EYS: variants seen among roughly 807,000 people sequenced by gnomAD.
EYS encodes EGF-like photoreceptor maintenance factor.
Under a neutral mutation model 282.1 loss-of-function variants are expected in EYS, and 250 were observed. That is an observed-to-expected ratio of 0.89 (90% confidence interval 0.80 to 0.98). EYS has a LOEUF of 0.98. Among genes scored for constraint, EYS ranks in the 50% least tolerant of loss-of-function variants. The pLI is 0.00. For missense variants in EYS, 4,016 were observed against 3,709.0 expected (o/e 1.08, Z -2.15); for synonymous variants, 1,355 against 1,282.9 (o/e 1.06, Z -1.20).
chr6:65,444,227 A>C (rs17768333), intron 5 of EYS, among the ~76,000 whole-genome samples: 28,124 of 151,898 alleles, frequency 0.19, 3,249 homozygotes, highest in Middle Eastern at 0.3. Context: ...TACTAATTTC[A>C]GGCACTATTT....
chr6:65,001,293 TG>T (rs1771460747), intron 13 of EYS, among the ~76,000 whole-genome samples: 1 of 146,928 alleles, frequency 6.8e-6, no homozygotes, highest in Non-Finnish European at 1.5e-5. Flanking sequence ...GTGGTGGAGG[TG>T]GCTCTCAGCA....
chr6:65,249,547 CTT>C (rs34691820), intron 12 of EYS, among the ~76,000 whole-genome samples: 31 of 143,526 alleles, frequency 2.2e-4, no homozygotes, highest in African/African-American at 4.8e-4. Context: ...CATAAATATC[CTT>C]TTTTTTTTTT....
rs148214961 is a variant in EYS at position 64,771,837 on chromosome 6, CA to C, written c.3443+41540del. 2.8e-3 allele frequency among the ~76,000 whole-genome samples: 430 copies of C among 151,868 alleles called. 5 individuals carry two copies. Among genetic ancestry groups the C allele is most frequent in the African/African-American group, 9.8e-3 (405 of 41,530 alleles). On this transcript the variant is annotated intron_variant, in intron 22 of 42. Coordinates refer to ENST00000503581, the MANE Select transcript of EYS (RefSeq NM_001142800.2). ...AGGCTCCCTTTTTGTCTGCTGTATG[CA>C]ATGTTCTAAATGTAAGAACTAGTCA...
intron 13 of EYS, among the ~76,000 whole-genome samples, chr6:65,029,596 G>A (rs1303439963): frequency 2.6e-5 from 4 of 151,950 alleles, no homozygotes; most frequent in African/African-American, 9.7e-5. Context: ...CCACCCCCAA[G>A]ACAGCAAGAC....
intron 5 of EYS, among the ~76,000 whole-genome samples, chr6:65,422,523 C>T (rs1198574416): frequency 6.6e-6 from 1 of 151,776 alleles, no homozygotes; most frequent in Non-Finnish European, 1.5e-5. Flanking sequence ...GAAAAATACA[C>T]TTCACATAGA....
At chr6:63,847,634 C>T (rs577993533) in intron 36 of EYS, among the ~76,000 whole-genome samples, 1 of 152,230 alleles carries the variant, frequency 6.6e-6, no homozygotes, top group Non-Finnish European at 1.5e-5. Context: ...TACTCTGTTG[C>T]CAGACTAATG....
intron 12 of EYS, among the ~76,000 whole-genome samples, chr6:65,118,374 T>A (rs568955558): frequency 6.6e-6 from 1 of 152,346 alleles, no homozygotes; most frequent in African/African-American, 2.4e-5. Context: ...TTTAAAATAT[T>A]CTGGTGTATT....
At chr6:64,784,765 T>C (rs967782335) in intron 22 of EYS, among the ~76,000 whole-genome samples, 1 of 151,916 alleles carries the variant, frequency 6.6e-6, no homozygotes, top group South Asian at 2.1e-4. Flanking sequence ...AATTCTCGGG[T>C]TTTTTTTCCC....
intron 35 of EYS, among the ~76,000 whole-genome samples, chr6:63,887,240 A>C (rs540747737): frequency 5.6e-4 from 85 of 152,202 alleles, no homozygotes; most frequent in African/African-American, 2.0e-3. Context: ...GAATATAATG[A>C]GAATATATCC....
intron 19 of EYS, among the ~76,000 whole-genome samples, chr6:64,869,986 A>G (rs1161995575): frequency 6.6e-6 from 1 of 151,648 alleles, no homozygotes; most frequent in Non-Finnish European, 1.5e-5. Flanking sequence ...GAAGTGATTA[A>G]CAGTGGAGAA....
intron 12 of EYS, among the ~76,000 whole-genome samples, chr6:65,175,343 T>C (rs1765199995): frequency 6.6e-6 from 1 of 151,384 alleles, no homozygotes; most frequent in Admixed American, 6.6e-5. Context: ...GTAAAAACTT[T>C]TAGATACTAT....
At chr6:65,703,463 G>T (rs1438465474) in intron 1 of EYS, among the ~76,000 whole-genome samples, 1 of 151,640 alleles carries the variant, frequency 6.6e-6, no homozygotes, top group Non-Finnish European at 1.5e-5. Context: ...CACTTTAATG[G>T]TTGCATATTA....
At chr6:64,279,265 A>G (rs1768220445) in intron 30 of EYS, among the ~76,000 whole-genome samples, 1 of 152,236 alleles carries the variant, frequency 6.6e-6, no homozygotes, top group African/African-American at 2.4e-5. Flanking sequence ...TTACTCAGCA[A>G]AAAGAATATT....
In EYS at chr6:64,087,611, A is replaced by T. The variant is rs61009993; in HGVS notation, c.6425-5609T>A. The stretch of plus-strand genomic sequence containing the variant: ...ATGTCCAACTTTGCACATGTTAGGC[A>T]AATGCTATATTCTTTGATAAATACA... On this transcript the variant is annotated intron_variant, in intron 31 of 42. Transcript: ENST00000503581. Among the ~76,000 whole-genome samples, 1,472 of 152,212 alleles carry T rather than the reference A, an allele frequency of 9.7e-3. 43 individuals are homozygous for T. Among genetic ancestry groups the T allele is most frequent in the East Asian group, 0.077 (400 of 5,182 alleles).
chr6:64,985,664 G>A (rs1031499612), intron 14 of EYS, among the ~76,000 whole-genome samples: 11 of 151,494 alleles, frequency 7.3e-5, no homozygotes, highest in African/African-American at 2.7e-4. Context: ...AGGGTTGTTA[G>A]ACAAACTATT....
chr6:65,237,124 T>C (rs888027642), intron 12 of EYS, among the ~76,000 whole-genome samples: 1 of 152,134 alleles, frequency 6.6e-6, no homozygotes, highest in South Asian at 2.1e-4. Flanking sequence ...TAAACCTGGG[T>C]AATACATCTA....
At chr6:64,435,118 A>T (rs1233931370) in intron 28 of EYS, among the ~76,000 whole-genome samples, 1 of 152,082 alleles carries the variant, frequency 6.6e-6, no homozygotes, top group Non-Finnish European at 1.5e-5. Flanking sequence ...AAAGATATTA[A>T]ATGTGTGTCT....
At position 63,727,706 on chromosome 6, in the gene EYS, C is replaced by CAAAAAA. The variant is rs1169878020; in HGVS notation, c.8072-1032_8072-1027dup. Among the ~76,000 whole-genome samples, 30 of 9,522 alleles carry CAAAAAA rather than the reference C, an allele frequency of 3.2e-3. 6 individuals are homozygous for CAAAAAA. Among genetic ancestry groups the CAAAAAA allele is most frequent in the African/African-American group, 4.9e-3 (9 of 1,822 alleles). The allele number at this position is 9,522 out of a possible 152,430, so 6.2% of individuals were successfully genotyped here. A position where few individuals can be genotyped will look rare whatever the true frequency, so the allele number is the denominator to read the frequency against. Reference sequence around the variant, plus strand: ...AGCAACATGGCGAAACACCATCTCTCAAAAAAAAAAAAAAAAAAAAAAAAA... The same window carrying CAAAAAA: ...AGCAACATGGCGAAACACCATCTCTCAAAAAAAAAAAAAAAAAAAAAAAAAAAAAAA... On this transcript the variant is annotated intron_variant, in intron 41 of 42. Transcript: ENST00000503581.
intron 35 of EYS, among the ~76,000 whole-genome samples, chr6:63,908,027 TATATAC>T (rs1310040894): frequency 9.8e-6 from 1 of 101,680 alleles, no homozygotes; most frequent in East Asian, 2.8e-4. Context: ...TATATATATA[TATATAC>T]GTTTGTGTGT....
Sources: allele counts gnomAD v4.1 joint callset (sites outside exome capture counted in the v4.1 genomes callset), GRCh38; gene constraint gnomAD v4.1.1; transcripts MANE v1.5; gene names NCBI Gene and HGNC (gene_info 2026-07-23, HGNC 2026-07-21).